Variants in CALD1 observed in about 807,000 individuals in gnomAD.
The protein encoded by CALD1 is caldesmon.
A neutral mutation model predicts 99.9 loss-of-function variants in CALD1; 33 were observed. The observed-to-expected ratio is 0.33, with a 90% CI of 0.25 to 0.44. The LOEUF (loss-of-function observed/expected upper bound fraction) is 0.44, where lower values mean the gene tolerates loss of function less well. Among genes scored for constraint, CALD1 ranks in the 20% least tolerant of loss-of-function variants. The probability of loss-of-function intolerance (pLI) is 1.00; values close to 1 mark genes in which losing one functional copy is unlikely to be tolerated. For synonymous variants in CALD1, 310 were observed against 325.0 expected (o/e 0.95, Z 0.50); for missense variants, 861 against 962.1 (o/e 0.89, Z 1.39).
intron 1 of CALD1, among the ~76,000 whole-genome samples, chr7:134,801,159 T>C (rs998508265): frequency 2.0e-5 from 3 of 152,188 alleles, no homozygotes; most frequent in Admixed American, 2.0e-4. Flanking sequence ...TTTTAGTCTT[T>C]ACTGTTTTGG....
intron 4 of CALD1, among the ~76,000 whole-genome samples, chr7:134,930,857 G>A (rs546757169): frequency 2.6e-4 from 39 of 152,306 alleles, no homozygotes; most frequent in Admixed American, 2.2e-3. Context: ...GGAGGGCAAC[G>A]TAGTCATTCA....
chr7:134,839,206 G>A lies in CALD1; in HGVS notation c.-129-4678G>A, dbSNP rs76363486. ...ATCATATAGTAATTTTTGTTGTGTTGTTTACATTATGATTCTGAGATTGAT... is the reference window on the plus strand; with the variant it reads ...ATCATATAGTAATTTTTGTTGTGTTATTTACATTATGATTCTGAGATTGAT... On this transcript the variant is annotated intron_variant, in intron 1 of 14. Coordinates refer to ENST00000361675, the MANE Select transcript of CALD1 (RefSeq NM_033138.4). 3.5e-3 allele frequency among the ~76,000 whole-genome samples: 528 copies of A among 152,262 alleles called. 1 individual carries two copies. The highest frequency in any genetic ancestry group is 0.012 in the African/African-American group (504 of 41,540).
At chr7:134,748,820 A>C (rs1796658818) in intron 1 of CALD1, among the ~76,000 whole-genome samples, 1 of 151,266 alleles carries the variant, frequency 6.6e-6, no homozygotes, top group Admixed American at 6.6e-5. Flanking sequence ...TTCATGTTGA[A>C]ATCCTAGCCC....
chr7:134,727,373 T>C, the CALD1 span, among the ~76,000 whole-genome samples: 1 of 152,240 alleles, frequency 6.6e-6, no homozygotes, highest in East Asian at 1.9e-4. Context: ...CTTTGCTTCT[T>C]ACTCCTGTCA....
intron 1 of CALD1, among the ~76,000 whole-genome samples, chr7:134,773,472 C>G (rs747855404): frequency 4.6e-5 from 7 of 152,004 alleles, no homozygotes; most frequent in Non-Finnish European, 1.0e-4. Context: ...CAGGGTTTCG[C>G]CCTGTTGCCC....
the CALD1 span, among the ~76,000 whole-genome samples, chr7:134,728,424 T>C: frequency 2.0e-5 from 3 of 152,178 alleles, no homozygotes; most frequent in Non-Finnish European, 2.9e-5. Context: ...AGCGTTTGCC[T>C]TATCTGAACA....
chr7:134,804,895 G>A (rs1253404445), intron 1 of CALD1, among the ~76,000 whole-genome samples: 2 of 152,204 alleles, frequency 1.3e-5, no homozygotes, highest in Admixed American at 6.5e-5. Context: ...ATTCAAAACC[G>A]GCTGTAGGGG....
chr7:134,744,043 G>A (rs893368843), upstream of CALD1, among the ~76,000 whole-genome samples: 2 of 152,162 alleles, frequency 1.3e-5, no homozygotes, highest in Non-Finnish European at 2.9e-5. Flanking sequence ...GGATGACAGC[G>A]GACCCCTCTT....
At chr7:134,959,137 C>G (rs940267364) in intron 11 of CALD1, among the ~76,000 whole-genome samples, 13 of 151,764 alleles carry the variant, frequency 8.6e-5, no homozygotes, top group Admixed American at 3.3e-4. Flanking sequence ...TATAAGCCCA[C>G]TGCAGCTGAC....
intron 1 of CALD1, among the ~76,000 whole-genome samples, chr7:134,813,775 T>G (rs566281611): frequency 3.3e-5 from 5 of 152,272 alleles, no homozygotes; most frequent in African/African-American, 1.2e-4. Flanking sequence ...GTAACAAATT[T>G]TAAGTAAAAG....
the CALD1 span, among the ~76,000 whole-genome samples, chr7:134,711,680 A>ATATATATATGTG: frequency 3.6e-4 from 39 of 109,572 alleles, no homozygotes; most frequent in African/African-American, 9.3e-4. Context: ...ATATATATAT[A>ATATATATATGTG]TGTGTGTGTG....
At chr7:134,729,848 G>C in the CALD1 span, among the ~76,000 whole-genome samples, 1 of 152,198 alleles carries the variant, frequency 6.6e-6, no homozygotes, top group African/African-American at 2.4e-5. Flanking sequence ...ATGTGTAACA[G>C]TGAGAAAAGC....
At chr7:134,916,622 G>A (rs985220921) in intron 3 of CALD1, among the ~76,000 whole-genome samples, 5 of 152,214 alleles carry the variant, frequency 3.3e-5, no homozygotes, top group Admixed American at 6.5e-5. Flanking sequence ...GCTGTGTACC[G>A]TTTCCATTGG....
intron 1 of CALD1, among the ~76,000 whole-genome samples, chr7:134,764,650 A>T (rs1796809936): frequency 6.6e-6 from 1 of 152,232 alleles, no homozygotes; most frequent in African/African-American, 2.4e-5. Context: ...AATTCAAGTC[A>T]GTAAATGATA....
rs750084516 is a variant in CALD1, at chr7:134,969,119, T to C, written c.*774T>C. ...GACTATTATATTTAGTAGTATGTCATTGTAACTAGCCAATATCACAGCTTT... is the reference window on the plus strand; with the variant it reads ...GACTATTATATTTAGTAGTATGTCACTGTAACTAGCCAATATCACAGCTTT... On this transcript the variant is annotated 3_prime_UTR_variant, in exon 15 of 15. Coordinates refer to ENST00000361675, the MANE Select transcript of CALD1 (RefSeq NM_033138.4). 2.6e-5 allele frequency: 4 copies of C among 152,768 alleles called. No homozygotes were observed. Among genetic ancestry groups the C allele is most frequent in the Admixed American group, 1.3e-4 (2 of 15,292 alleles). 9.5% of individuals were successfully genotyped at this position (152,768 alleles called of 1,614,324 possible). A position where few individuals can be genotyped will look rare whatever the true frequency, so the allele number is the denominator to read the frequency against.
At chr7:134,908,193 T>C (rs1427654982) in intron 3 of CALD1, among the ~76,000 whole-genome samples, 2 of 152,206 alleles carry the variant, frequency 1.3e-5, no homozygotes, top group East Asian at 1.9e-4. Context: ...AAGGTGATAC[T>C]GGACTTGATC....
chr7:134,888,728 A>G (rs1586209301), intron 3 of CALD1, among the ~76,000 whole-genome samples: 1 of 152,230 alleles, frequency 6.6e-6, no homozygotes, highest in Non-Finnish European at 1.5e-5. Flanking sequence ...AGCATGAGCT[A>G]TAACACCACT....
chr7:134,848,566 G>A (rs1032799205), intron 2 of CALD1, among the ~76,000 whole-genome samples: 6 of 152,152 alleles, frequency 3.9e-5, no homozygotes, highest in Non-Finnish European at 7.4e-5. Flanking sequence ...GAGTTTGGGG[G>A]AAAGCATTTC....
intron 3 of CALD1, among the ~76,000 whole-genome samples, chr7:134,887,157 G>A (rs1801893260): frequency 6.6e-6 from 1 of 152,218 alleles, no homozygotes; most frequent in Non-Finnish European, 1.5e-5. Flanking sequence ...AGACTAGGAT[G>A]AGGAGTAAAC....
Sources: gnomAD v4.1 joint callset for allele counts (sites outside exome capture counted in the v4.1 genomes callset) on GRCh38, gnomAD v4.1.1 for gene constraint, MANE v1.5 for transcripts, NCBI Gene and HGNC (gene_info 2026-07-23, HGNC 2026-07-21) for gene names.